Variants in NARF observed in about 807,000 individuals in gnomAD.
The protein encoded by NARF is nuclear prelamin A recognition factor.
In NARF, 41 loss-of-function variants were observed where a neutral mutation model predicts 48.0. The observed-to-expected ratio is 0.85, with a 90% CI of 0.66 to 1.11. The LOEUF is 1.11. NARF is among the 50% of genes least tolerant of loss of function. The pLI is 0.00. For synonymous variants in NARF, 215 were observed against 225.5 expected, an observed-to-expected ratio of 0.95 and a Z score of 0.42; for missense variants, 613 against 590.2, an observed-to-expected ratio of 1.04 and a Z score of -0.40.
At chr17:82,471,023 C>T (rs566799764) in intron 4 of NARF, among the ~76,000 whole-genome samples, 5 of 151,576 alleles carry the variant, frequency 3.3e-5, no homozygotes, top group Non-Finnish European at 7.4e-5. Context: ...ATTAGCCTGG[C>T]ATGGTGGCAG....
rs775396816 is a variant in NARF at position 82,488,133 on chromosome 17, A to G, written c.1347A>G (p.Thr449=). 1 of 1,613,994 alleles carries G rather than the reference A, an allele frequency of 6.2e-7. No individual in the cohort carries two copies. Among genetic ancestry groups the G allele is most frequent in the Non-Finnish European group, 8.5e-7 (1 of 1,179,988 alleles). ...HTTYQSQERG[T]HSLDIKW is the part of the protein sequence containing the mutation. ...CGTACCAGAGCCAGGAGCGTGGCACACACAGCCTGGACATCAAGTGGTGAA... is the reference window on the plus strand; with the variant it reads ...CGTACCAGAGCCAGGAGCGTGGCACGCACAGCCTGGACATCAAGTGGTGAA... The change falls in exon 11 of 11, where the codon ACA becomes ACG. Residue 449 remains threonine (T), a synonymous_variant. Coordinates refer to ENST00000309794, the MANE Select transcript of NARF (RefSeq NM_012336.4).
intron 5 of NARF, among the ~76,000 whole-genome samples, chr17:82,477,428 C>T (rs911406209): frequency 1.2e-4 from 18 of 151,840 alleles, no homozygotes; most frequent in Middle Eastern, 3.4e-3. Context: ...CGCTTGAACC[C>T]GGGAGCCAGA....
chr17:82,458,561 C>T (rs1338998033), upstream of NARF: 2 of 463,572 alleles, frequency 4.3e-6, no homozygotes, highest in Non-Finnish European at 7.1e-6. Flanking sequence ...GGCTCTGGGG[C>T]CTGGCCCGCC....
At chr17:82,467,608 G>A (rs2043600337) in intron 3 of NARF, among the ~76,000 whole-genome samples, 2 of 152,064 alleles carry the variant, frequency 1.3e-5, no homozygotes, top group South Asian at 4.1e-4. Flanking sequence ...GGGTTCAAGC[G>A]ATTCTTCTGC....
intron 7 of NARF, chr17:82,483,244 G>A (rs1231844938): frequency 3.7e-5 from 14 of 381,644 alleles, no homozygotes; most frequent in African/African-American, 8.7e-5. Context: ...ACTTGAACCC[G>A]GGAGGCAGAG....
At position 82,485,519 on chromosome 17, in the gene NARF, A is replaced by G. The variant is rs2044077163; in HGVS notation, c.994A>G (p.Thr332Ala). 4.3e-6 allele frequency: 7 copies of G among 1,614,176 alleles called. No individual in the cohort carries two copies. The highest frequency in any genetic ancestry group is 5.9e-6 in the Non-Finnish European group (7 of 1,180,024). ...TAGAAACAAAGACTTCCAAGAGGTC[A>G]CCCTTGAGAAGAACGGAGAGGTGGT... ...ALRNKDFQEVTLEKNGEVVLR... is the reference protein window; with the variant it reads ...ALRNKDFQEVALEKNGEVVLR... Residue 332 changes from threonine (T) to alanine (A), a missense_variant, in exon 10 of 11, where the codon ACC becomes GCC. Physicochemically the swap from Thr to Ala is moderately conservative, Grantham distance 58. Coordinates refer to ENST00000309794, the MANE Select transcript of NARF (RefSeq NM_012336.4).
At chr17:82,465,758 G>A (rs868452751) in intron 3 of NARF, among the ~76,000 whole-genome samples, 2 of 152,086 alleles carry the variant, frequency 1.3e-5, no homozygotes, top group Non-Finnish European at 2.9e-5. Flanking sequence ...TAGAGACAGG[G>A]TTTTGCCATG....
At chr17:82,487,780 C>CAA in intron 10 of NARF, 136 bp from the exon 11 acceptor site, 1 of 594,882 alleles carries the variant, frequency 1.7e-6, no homozygotes, top group Non-Finnish European at 2.9e-6. Flanking sequence ...ACACCCGCCC[C>CAA]TCCCGCCCAA....
At chr17:82,471,187 G>A (rs1248407341) in intron 4 of NARF, among the ~76,000 whole-genome samples, 1 of 142,458 alleles carries the variant, frequency 7.0e-6, no homozygotes, top group Non-Finnish European at 1.5e-5. Context: ...TGGGCATGTT[G>A]GCTCACGCCT....
intron 5 of NARF, chr17:82,477,501 CA>C (rs977953647): frequency 6.3e-5 from 9 of 143,974 alleles, no homozygotes; most frequent in East Asian, 6.2e-4. Flanking sequence ...AAGACTGTCT[CA>C]AAAAAAAAAC....
Position 82,487,969 on chromosome 17 carries a change from G to A in NARF, c.1183G>A (p.Ala395Thr), listed in dbSNP as rs1484538264. The A allele has an allele frequency of 8.1e-6, 13 of 1,614,098 alleles. No individual in the cohort carries two copies. The highest frequency in any genetic ancestry group is 1.3e-5 in the African/African-American group (1 of 74,928). Residue 395 changes from alanine to threonine, a missense_variant, in exon 11 of 11, where the codon GCC becomes ACC. By Grantham distance (58) the Ala-to-Thr change is moderately conservative (BLOSUM62 0). Coordinates refer to ENST00000309794, the MANE Select transcript of NARF (RefSeq NM_012336.4). The stretch of plus-strand genomic sequence containing the variant: ...GACTCCAGACGGACATGCGGATAAG[G>A]CCCTGCTGCGGCAGATGGAAGGCAT... ...AQTPDGHADK[A>T]LLRQMEGIYA... is the part of the protein sequence containing the mutation.
chr17:82,464,385 C>T lies in NARF; in HGVS notation c.207C>T (p.Ser69=). Residue 69 remains serine (S), a synonymous_variant, in exon 3 of 11, where the codon TCC becomes TCT. Transcript: ENST00000309794. ...CTGCAGAGGAAGGAGTCCAACTTTC[C>T]CAGCAAAATGCCAAGGACTTCTTCC... is the stretch of plus-strand genomic sequence containing the variant. ...CMTAEEGVQL[S]QQNAKDFFRV... The T allele has an allele frequency of 1.2e-6, 2 of 1,614,028 alleles. No homozygotes were observed. Among genetic ancestry groups the T allele is most frequent in the Non-Finnish European group, 1.7e-6 (2 of 1,179,930 alleles).
chr17:82,475,455 C>A (rs1315877418), intron 5 of NARF, among the ~76,000 whole-genome samples: 1 of 152,102 alleles, frequency 6.6e-6, no homozygotes. Flanking sequence ...AAAAAATTAG[C>A]CAGGTGTGGC....
chr17:82,465,988 A>T (rs561216164), intron 3 of NARF, among the ~76,000 whole-genome samples: 8 of 152,208 alleles, frequency 5.3e-5, no homozygotes, highest in Non-Finnish European at 8.8e-5. Flanking sequence ...GGCTGCCTGG[A>T]TAGGATGGTC....
At chr17:82,464,465 G>T in intron 3 of NARF, 35 bp downstream of exon 3, 1 of 1,588,390 alleles carries the variant, frequency 6.3e-7, no homozygotes, top group East Asian at 2.2e-5. Flanking sequence ...ATGCTGGGGA[G>T]CTGACCTGGA....
chr17:82,459,841 C>G, intron 1 of NARF, 151 bp from the exon 2 acceptor site: 2 of 600,284 alleles, frequency 3.3e-6, no homozygotes, highest in Non-Finnish European at 5.5e-6. Flanking sequence ...TGCACTCCAG[C>G]CTGGGTGAGA....
At chr17:82,476,920 A>T (rs1470491059) in intron 5 of NARF, 2 of 151,400 alleles carry the variant, frequency 1.3e-5, no homozygotes, top group Admixed American at 6.6e-5. Context: ...CAGTAGAGAC[A>T]GGGTTTCACC....
rs146313138 is a variant in NARF, at chr17:82,479,735, G to A, written c.639+817G>A. ...ATTTGAAGTCAGCCTAAAAAGGCAC[G>A]CACATTTGGCAGCCTTGTTATTTTA... On this transcript the variant is annotated intron_variant, in intron 6 of 10. Coordinates refer to ENST00000309794, the MANE Select transcript of NARF (RefSeq NM_012336.4). 1.6e-3 allele frequency among the ~76,000 whole-genome samples: 251 copies of A among 152,338 alleles called. 2 individuals are homozygous for A. The South Asian group carries it at 0.018, about 11-fold the overall frequency.
At chr17:82,480,204 CTGTG>C (rs1456422092) in intron 6 of NARF, among the ~76,000 whole-genome samples, 1 of 152,210 alleles carries the variant, frequency 6.6e-6, no homozygotes, top group East Asian at 1.9e-4. Context: ...GGCACCTGCT[CTGTG>C]TGGACCCAGG....
Sources: gnomAD v4.1 joint callset for allele counts (sites outside exome capture counted in the v4.1 genomes callset) on GRCh38, gnomAD v4.1.1 for gene constraint, MANE v1.5 for transcripts, NCBI Gene and HGNC (gene_info 2026-07-23, HGNC 2026-07-21) for gene names.